CNTNAP5: variants seen among roughly 807,000 people sequenced by gnomAD.
CNTNAP5 encodes contactin associated protein family member 5, also known as contactin-associated protein-like 5.
Under a neutral mutation model 150.2 loss-of-function variants are expected in CNTNAP5, and 72 were observed. That is an observed-to-expected ratio of 0.48 (90% confidence interval 0.40 to 0.58). The LOEUF (loss-of-function observed/expected upper bound fraction) is 0.58. Ranked by LOEUF, CNTNAP5 falls within the 20% of genes least tolerant of loss-of-function variation. The probability of loss-of-function intolerance (pLI) is 0.00; values close to 1 mark genes in which losing one functional copy is unlikely to be tolerated. For missense variants in CNTNAP5, 1,636 were observed against 1,626.2 expected, an observed-to-expected ratio of 1.01 and a Z score of -0.10; for synonymous variants, 672 against 619.8, an observed-to-expected ratio of 1.08 and a Z score of -1.25.
At chr2:124,368,229 A>C (rs2104723533) in intron 3 of CNTNAP5, among the ~76,000 whole-genome samples, 1 of 152,366 alleles carries the variant, frequency 6.6e-6, no homozygotes, top group African/African-American at 2.4e-5. Context: ...AAATGGTTTT[A>C]GAAATTAGTT....
At chr2:124,897,979 ATGTG>A (rs1678342372) in intron 21 of CNTNAP5, among the ~76,000 whole-genome samples, 2 of 106,306 alleles carry the variant, frequency 1.9e-5, no homozygotes, top group African/African-American at 7.2e-5. Flanking sequence ...GTGTGTGTGT[ATGTG>A]TGTGTAACTA....
intron 3 of CNTNAP5, among the ~76,000 whole-genome samples, chr2:124,354,196 T>C (rs903848803): frequency 2.0e-5 from 3 of 152,184 alleles, no homozygotes; most frequent in Non-Finnish European, 4.4e-5. Context: ...AAAATTATTG[T>C]CTGCTTTGTT....
At chr2:124,229,092 T>C (rs1686545793) in intron 2 of CNTNAP5, among the ~76,000 whole-genome samples, 3 of 152,150 alleles carry the variant, frequency 2.0e-5, no homozygotes, top group Admixed American at 2.0e-4. Context: ...TAGACTCATG[T>C]CTGCCCTATA....
chr2:124,550,137 T>C (rs1348589472), intron 10 of CNTNAP5, among the ~76,000 whole-genome samples: 1 of 152,222 alleles, frequency 6.6e-6, no homozygotes, highest in Non-Finnish European at 1.5e-5. Flanking sequence ...TAAAACCTGA[T>C]TCATGACACA....
chr2:124,835,378 G>A (rs943158356), intron 19 of CNTNAP5, among the ~76,000 whole-genome samples: 3 of 152,100 alleles, frequency 2.0e-5, no homozygotes, highest in Non-Finnish European at 4.4e-5. Flanking sequence ...CTAGATTTAA[G>A]TGTATAAAAA....
chr2:124,862,316 T>C (rs930371443), intron 19 of CNTNAP5, among the ~76,000 whole-genome samples: 2 of 152,164 alleles, frequency 1.3e-5, no homozygotes, highest in African/African-American at 4.8e-5. Context: ...GTCAGAGAAA[T>C]TGCATCGCAT....
chr2:124,043,240 C>T (rs1403353041), intron 1 of CNTNAP5, among the ~76,000 whole-genome samples: 1 of 152,176 alleles, frequency 6.6e-6, no homozygotes, highest in African/African-American at 2.4e-5. Context: ...TTCCCTAAAA[C>T]ATTCCAGATA....
chr2:124,367,742 C>A (rs1325905674), intron 3 of CNTNAP5, among the ~76,000 whole-genome samples: 1 of 152,114 alleles, frequency 6.6e-6, no homozygotes, highest in Non-Finnish European at 1.5e-5. Flanking sequence ...GACCTGGCTC[C>A]CTGACGTGAA....
At position 124,685,885 on chromosome 2, in the gene CNTNAP5, A is replaced by AT. The variant is rs945171882; in HGVS notation, c.2077+37935dup. Among the ~76,000 whole-genome samples the AT allele has an allele frequency of 1.1e-3, 168 of 151,658 alleles. 1 individual carries two copies. The highest frequency in any genetic ancestry group is 3.3e-3 in the African/African-American group (135 of 41,346). Reference sequence around the variant, plus strand: ...CATGTTATAATTCTCTTGAGTCCTCATTTTTTTTGCTGTTTTTTCCCTCCG... The same window carrying AT: ...CATGTTATAATTCTCTTGAGTCCTCATTTTTTTTTGCTGTTTTTTCCCTCCG... On this transcript the variant is annotated intron_variant, in intron 13 of 23. Transcript: ENST00000682447.
Position 124,673,340 on chromosome 2 carries a change from G to A in CNTNAP5, c.2077+25382G>A, listed in dbSNP as rs144331520. 6.8e-4 allele frequency among the ~76,000 whole-genome samples: 104 copies of A among 152,168 alleles called. 1 individual carries two copies. The East Asian group carries it at 0.019, about 27-fold the overall frequency. ...CAGTTGCAGTGATGGCACTGATGAC[G>A]ATGACTAAAATGAGCAATAATGAAT... is the stretch of plus-strand genomic sequence containing the variant. On this transcript the variant is annotated intron_variant, in intron 13 of 23. Coordinates refer to ENST00000682447, the MANE Select transcript of CNTNAP5 (RefSeq NM_001367498.1).
intron 1 of CNTNAP5, among the ~76,000 whole-genome samples, chr2:124,055,821 G>A (rs780813550): frequency 2.1e-4 from 32 of 152,098 alleles, no homozygotes; most frequent in Non-Finnish European, 4.0e-4. Context: ...AAGTCATCAA[G>A]AAGACAGAAG....
chr2:124,325,289 CA>C (rs545097362), intron 3 of CNTNAP5, among the ~76,000 whole-genome samples: 3 of 152,012 alleles, frequency 2.0e-5, no homozygotes, highest in Non-Finnish European at 2.9e-5. Context: ...TTCCAGCCTC[CA>C]AAATTGTGAG....
chr2:124,529,207 C>T lies in CNTNAP5; in HGVS notation c.1649+1751C>T, dbSNP rs370696098. Reference sequence around the variant, plus strand: ...CTAGACCAATAGTCTTTAGTAATGGCGAGGGAGAAGCATCCTACTTCATCA... The same window carrying T: ...CTAGACCAATAGTCTTTAGTAATGGTGAGGGAGAAGCATCCTACTTCATCA... On this transcript the variant is annotated intron_variant, in intron 10 of 23. Coordinates refer to ENST00000682447, the MANE Select transcript of CNTNAP5 (RefSeq NM_001367498.1). Among the ~76,000 whole-genome samples, 10 of 151,952 alleles carry T rather than the reference C, an allele frequency of 6.6e-5. No individual in the cohort carries two copies. The South Asian group carries it at 1.2e-3, about 19-fold the overall frequency.
At chr2:124,092,698 G>A (rs1682842706) in intron 1 of CNTNAP5, among the ~76,000 whole-genome samples, 1 of 152,080 alleles carries the variant, frequency 6.6e-6, no homozygotes. Context: ...TTCCAAAATG[G>A]GCCATTTGAA....
chr2:124,367,269 G>A (rs1261322050), intron 3 of CNTNAP5, among the ~76,000 whole-genome samples: 1 of 152,186 alleles, frequency 6.6e-6, no homozygotes, highest in East Asian at 1.9e-4. Context: ...AAGAATACTT[G>A]AGTCTGGGTA....
chr2:124,468,596 C>T (rs1357964505), intron 6 of CNTNAP5, among the ~76,000 whole-genome samples: 1 of 152,084 alleles, frequency 6.6e-6, no homozygotes, highest in African/African-American at 2.4e-5. Flanking sequence ...TCTCTTCTGG[C>T]AACAGCCAGA....
At chr2:124,556,962 G>T (rs1305633474) in intron 10 of CNTNAP5, among the ~76,000 whole-genome samples, 1 of 151,072 alleles carries the variant, frequency 6.6e-6, no homozygotes, top group Non-Finnish European at 1.5e-5. Flanking sequence ...TATCAAAATT[G>T]TACAAAGATT....
intron 3 of CNTNAP5, among the ~76,000 whole-genome samples, chr2:124,253,029 T>G (rs1365919691): frequency 6.6e-6 from 1 of 151,592 alleles, no homozygotes; most frequent in Non-Finnish European, 1.5e-5. Flanking sequence ...AAATATATAT[T>G]TATTTACATA....
chr2:124,317,735 A>G (rs1218776785), intron 3 of CNTNAP5, among the ~76,000 whole-genome samples: 1 of 152,226 alleles, frequency 6.6e-6, no homozygotes, highest in East Asian at 1.9e-4. Flanking sequence ...ATTGCAGATC[A>G]CTGAGGACAC....
Sources: gnomAD v4.1 joint callset for allele counts (sites outside exome capture counted in the v4.1 genomes callset) on GRCh38, gnomAD v4.1.1 for gene constraint, MANE v1.5 for transcripts, NCBI Gene and HGNC (gene_info 2026-07-23, HGNC 2026-07-21) for gene names.